CACNG3: variants seen among roughly 807,000 people sequenced by gnomAD.
CACNG3 encodes the protein voltage-dependent calcium channel gamma-3 subunit.
A neutral mutation model predicts 28.5 loss-of-function variants in CACNG3; 3 were observed. The observed-to-expected ratio is 0.11, with a 90% CI of 0.05 to 0.27. CACNG3 has a LOEUF of 0.27. Among genes scored for constraint, CACNG3 ranks in the 10% least tolerant of loss-of-function variants. The pLI, the probability that CACNG3 is intolerant of heterozygous loss-of-function variation, is 1.00. For missense variants in CACNG3, 236 were observed against 414.4 expected, an observed-to-expected ratio of 0.57 and a Z score of 3.74; for synonymous variants, 174 against 162.2, an observed-to-expected ratio of 1.07 and a Z score of -0.55.
At chr16:24,295,714 C>T (rs749450548) in intron 1 of CACNG3, among the ~76,000 whole-genome samples, 26 of 151,898 alleles carry the variant, frequency 1.7e-4, no homozygotes, top group Non-Finnish European at 2.8e-4. Context: ...CTGAGTGTGG[C>T]GGCACACACC....
At chr16:24,322,439 C>T (rs1899476146) in intron 1 of CACNG3, among the ~76,000 whole-genome samples, 2 of 152,188 alleles carry the variant, frequency 1.3e-5, no homozygotes, top group South Asian at 4.1e-4. Flanking sequence ...TGCCCCCTCC[C>T]CACTAAACAC....
intron 1 of CACNG3, among the ~76,000 whole-genome samples, chr16:24,297,648 G>A (rs544624947): frequency 6.6e-6 from 1 of 152,258 alleles, no homozygotes; most frequent in South Asian, 2.1e-4. Flanking sequence ...TAGAATTTAG[G>A]CAGCTTAGCT....
chr16:24,305,130 A>G (rs1899167593), intron 1 of CACNG3, among the ~76,000 whole-genome samples: 2 of 152,088 alleles, frequency 1.3e-5, no homozygotes, highest in South Asian at 4.2e-4. Flanking sequence ...AAGTGTCAAT[A>G]TAGGTTCATC....
intron 1 of CACNG3, among the ~76,000 whole-genome samples, chr16:24,305,405 C>T (rs1899173301): frequency 6.6e-6 from 1 of 150,390 alleles, no homozygotes; most frequent in Admixed American, 6.7e-5. Flanking sequence ...GTCACCCAGG[C>T]TGGAGTGGAA....
chr16:24,278,817 A>G (rs1159442751), intron 1 of CACNG3, among the ~76,000 whole-genome samples: 1 of 152,226 alleles, frequency 6.6e-6, no homozygotes, highest in Admixed American at 6.5e-5. Context: ...TATCTGAGAC[A>G]GGATTTGAAC....
At chr16:24,333,981 C>A (rs2069333968) in intron 1 of CACNG3, among the ~76,000 whole-genome samples, 2 of 152,262 alleles carry the variant, frequency 1.3e-5, no homozygotes, top group African/African-American at 4.8e-5. Context: ...CAATGTGAAC[C>A]AGTGTTGAGA....
intron 1 of CACNG3, among the ~76,000 whole-genome samples, chr16:24,318,495 A>G (rs952975268): frequency 2.0e-5 from 3 of 152,102 alleles, no homozygotes; most frequent in African/African-American, 7.2e-5. Context: ...CCCGGCCTGT[A>G]TATCCTTTTT....
intron 1 of CACNG3, among the ~76,000 whole-genome samples, chr16:24,315,221 C>T (rs930753406): frequency 7.9e-5 from 12 of 152,196 alleles, no homozygotes; most frequent in African/African-American, 2.7e-4. Flanking sequence ...GTCCTACTGC[C>T]AACTGGTTTT....
chr16:24,317,097 G>C (rs1319744969), intron 1 of CACNG3, among the ~76,000 whole-genome samples: 2 of 152,158 alleles, frequency 1.3e-5, no homozygotes, highest in African/African-American at 4.8e-5. Context: ...CATAGTAACT[G>C]TCATCATCAT....
chr16:24,358,557 GC>G (rs1159510512), intron 3 of CACNG3, among the ~76,000 whole-genome samples: 2 of 152,168 alleles, frequency 1.3e-5, no homozygotes, highest in African/African-American at 2.4e-5. Flanking sequence ...AATATGCACT[GC>G]CCTCTTGCTA....
intron 1 of CACNG3, among the ~76,000 whole-genome samples, chr16:24,258,778 G>A (rs1898501498): frequency 6.6e-6 from 1 of 152,162 alleles, no homozygotes; most frequent in Non-Finnish European, 1.5e-5. Context: ...AGCCAAAAAT[G>A]GCACATATGT....
chr16:24,265,903 C>T (rs1175526241), intron 1 of CACNG3, among the ~76,000 whole-genome samples: 4 of 152,142 alleles, frequency 2.6e-5, no homozygotes, highest in Non-Finnish European at 4.4e-5. Context: ...GTTTGCCAAA[C>T]CCTGCTATAT....
chr16:24,342,778 A>C (rs1199642906), intron 1 of CACNG3, among the ~76,000 whole-genome samples: 1 of 152,186 alleles, frequency 6.6e-6, no homozygotes, highest in Non-Finnish European at 1.5e-5. Flanking sequence ...ATTTTTTTGC[A>C]GGTCACAAAT....
Position 24,256,517 on chromosome 16 carries a change from G to C in CACNG3, c.-238G>C, listed in dbSNP as rs996629108. On this transcript the variant is annotated 5_prime_UTR_variant, in exon 1 of 4. Coordinates refer to ENST00000005284, the MANE Select transcript of CACNG3 (RefSeq NM_006539.4). This position sits in a 1 kb window ranked among gnomAD's most constrained non-coding sequence, Gnocchi z 4.6. The stretch of plus-strand genomic sequence containing the variant: ...CCAGGGACCCTCAGAAGGCAGCAGT[G>C]ATGCGGACCAACCCCCCGGAGCCTG... The C allele has an allele frequency of 1.9e-6, 1 of 532,224 alleles. No individual in the cohort carries two copies. Among genetic ancestry groups the C allele is most frequent in the East Asian group, 3.2e-5 (1 of 30,942 alleles). 33.0% of individuals were successfully genotyped at this position (532,224 alleles called of 1,614,324 possible).
chr16:24,265,495 GGAAAGAAAAGAAA>G (rs1445187835), intron 1 of CACNG3, among the ~76,000 whole-genome samples: 3 of 145,822 alleles, frequency 2.1e-5, no homozygotes, highest in Non-Finnish European at 4.5e-5. Flanking sequence ...AGAGAAAGAA[GGAAAGAAAAGAAA>G]GAAAGAAAGA....
At chr16:24,285,491 G>C (rs1026454160) in intron 1 of CACNG3, among the ~76,000 whole-genome samples, 1 of 151,862 alleles carries the variant, frequency 6.6e-6, no homozygotes, top group Non-Finnish European at 1.5e-5. Context: ...CCCTCAAAAC[G>C]TACACACATA....
intron 1 of CACNG3, among the ~76,000 whole-genome samples, chr16:24,277,865 ATTTG>A (rs1296071598): frequency 6.6e-6 from 1 of 151,724 alleles, no homozygotes. Flanking sequence ...TATGTATGGT[ATTTG>A]TTTGTTGTTG....
intron 1 of CACNG3, among the ~76,000 whole-genome samples, chr16:24,287,882 G>A (rs1411580962): frequency 6.6e-6 from 1 of 152,202 alleles, no homozygotes; most frequent in East Asian, 1.9e-4. Context: ...GCCGAGGGGA[G>A]AGGATTGCTT....
chr16:24,274,053 G>T (rs141353141), intron 1 of CACNG3, among the ~76,000 whole-genome samples: 20,755 of 151,908 alleles, frequency 0.14, 1,526 homozygotes, highest in Middle Eastern at 0.17. Context: ...CAGGCTTGGT[G>T]GTGCATGCCT....
Sources: gnomAD v4.1 joint callset for allele counts (sites outside exome capture counted in the v4.1 genomes callset) on GRCh38, gnomAD v4.1.1 for gene constraint, Gnocchi (gnomAD v3.1) non-coding constraint, MANE v1.5 for transcripts, NCBI Gene and HGNC (gene_info 2026-07-23, HGNC 2026-07-21) for gene names.